The following RIMS1 variants were observed in gnomAD, a reference collection of about 807,000 sequenced individuals.
RIMS1 encodes regulating synaptic membrane exocytosis 1.
A neutral mutation model predicts 214.1 loss-of-function variants in RIMS1; 83 were observed. That is an observed-to-expected ratio of 0.39 (90% CI 0.32 to 0.47). The LOEUF is 0.47. RIMS1 is among the 20% of genes least tolerant of loss of function. RIMS1 has a pLI of 0.99. For missense variants in RIMS1, 2,050 were observed against 2,161.8 expected, an observed-to-expected ratio of 0.95 and a Z score of 1.03; for synonymous variants, 793 against 786.8, an observed-to-expected ratio of 1.01 and a Z score of -0.13.
In RIMS1 at chr6:72,043,071, C is replaced by G. The variant is rs1318607761; in HGVS notation, c.246-53878C>G. Among the ~76,000 whole-genome samples the G allele has an allele frequency of 2.0e-5, 3 of 151,692 alleles. No individual in the cohort carries two copies. The Admixed American group carries it at 2.0e-4, about 10-fold the overall frequency. ...TTTTTTAGCTCTTACACTACACCCA[C>G]TTGGTACTAATTATAATTTTTGCCA... On this transcript the variant is annotated intron_variant, in intron 2 of 33. Coordinates refer to ENST00000521978, the MANE Select transcript of RIMS1 (RefSeq NM_014989.7).
At chr6:72,155,486 T>A (rs1014581385) in intron 4 of RIMS1, among the ~76,000 whole-genome samples, 2 of 140,580 alleles carry the variant, frequency 1.4e-5, no homozygotes, top group African/African-American at 4.9e-5. Flanking sequence ...ATATACTGTA[T>A]TAGTCCATTT....
rs1029259879 is a variant in RIMS1, at chr6:72,085,038, A to C, written c.246-11911A>C. On this transcript the variant is annotated intron_variant, in intron 2 of 33. Transcript: ENST00000521978. ...GCCACCTCTGAAAACACATTTTCCT[A>C]ATAAGTCAAATCTCCTGCTGATTGT... Among the ~76,000 whole-genome samples, 13 of 152,190 alleles carry C rather than the reference A, an allele frequency of 8.5e-5. 1 individual carries two copies. The highest frequency in any genetic ancestry group is 2.9e-4 in the African/African-American group (12 of 41,462).
intron 29 of RIMS1, among the ~76,000 whole-genome samples, chr6:72,367,982 T>C (rs1688862845): frequency 1.3e-5 from 2 of 152,160 alleles, no homozygotes; most frequent in African/African-American, 4.8e-5. Context: ...AAGCAGGGCT[T>C]ATCCGTGGAA....
intron 9 of RIMS1, among the ~76,000 whole-genome samples, chr6:72,240,838 A>T (rs916015280): frequency 6.6e-6 from 1 of 151,902 alleles, no homozygotes; most frequent in African/African-American, 2.4e-5. Flanking sequence ...CAACATGGTG[A>T]AACCCCGTCT....
intron 27 of RIMS1, among the ~76,000 whole-genome samples, chr6:72,312,954 T>A (rs781455975): frequency 1.3e-5 from 2 of 152,126 alleles, no homozygotes; most frequent in African/African-American, 4.8e-5. Context: ...CATATTTTGG[T>A]ATATTTTTTC....
At chr6:72,199,878 T>C (rs2051625847) in intron 6 of RIMS1, among the ~76,000 whole-genome samples, 1 of 152,048 alleles carries the variant, frequency 6.6e-6, no homozygotes, top group Non-Finnish European at 1.5e-5. Context: ...ATTTTAAAAT[T>C]AGGATGTTTT....
chr6:72,252,624 C>A, intron 15 of RIMS1, 137 bp from the exon 16 acceptor site: 1 of 667,408 alleles, frequency 1.5e-6, no homozygotes. Context: ...TTAAAATTAG[C>A]TCAGTGTTTA....
intron 2 of RIMS1, among the ~76,000 whole-genome samples, chr6:72,033,951 T>A (rs1290536657): frequency 6.6e-6 from 1 of 152,216 alleles, no homozygotes; most frequent in Non-Finnish European, 1.5e-5. Context: ...ACTAGTGTTA[T>A]AATTTAGTCT....
At position 71,889,346 on chromosome 6, in the gene RIMS1, T is replaced by C. The variant is rs79053539; in HGVS notation, c.164+2159T>C. On this transcript the variant is annotated intron_variant, in intron 1 of 33. Coordinates refer to ENST00000521978, the MANE Select transcript of RIMS1 (RefSeq NM_014989.7). Reference sequence around the variant, plus strand: ...ATGGGCTTATATGGGCAAATAAAAATTAGGAGCACTGTCCAACTGCTCATG... The same window carrying C: ...ATGGGCTTATATGGGCAAATAAAAACTAGGAGCACTGTCCAACTGCTCATG... 6.1e-3 allele frequency among the ~76,000 whole-genome samples: 936 copies of C among 152,290 alleles called. 13 individuals carry two copies. Among genetic ancestry groups the C allele is most frequent in the African/African-American group, 0.021 (885 of 41,556 alleles).
intron 6 of RIMS1, among the ~76,000 whole-genome samples, chr6:72,220,915 A>G (rs2058182860): frequency 6.6e-6 from 1 of 152,084 alleles, no homozygotes; most frequent in Non-Finnish European, 1.5e-5. Flanking sequence ...GTTTGTTATT[A>G]TGAGATTTTA....
intron 4 of RIMS1, among the ~76,000 whole-genome samples, chr6:72,113,711 C>G (rs1343927418): frequency 6.6e-6 from 1 of 151,740 alleles, no homozygotes; most frequent in Non-Finnish European, 1.5e-5. Flanking sequence ...TTCTTTAATT[C>G]TTAATATTTG....
intron 29 of RIMS1, among the ~76,000 whole-genome samples, chr6:72,335,437 G>A (rs762613887): frequency 8.6e-5 from 13 of 152,006 alleles, no homozygotes; most frequent in Non-Finnish European, 1.3e-4. Context: ...GTATTCCATT[G>A]TGTATGTGTG....
chr6:72,008,628 G>A (rs1808857191), intron 2 of RIMS1, among the ~76,000 whole-genome samples: 2 of 152,048 alleles, frequency 1.3e-5, no homozygotes, highest in African/African-American at 4.8e-5. Context: ...GATGGAGGAA[G>A]ATCTACCAAG....
At position 72,161,599 on chromosome 6, in the gene RIMS1, A is replaced by G. The variant is rs1437883829; in HGVS notation, c.472-17976A>G. ...TCTGGTATGTTGTGTCTTTGTTCTCATTGGTTTCAAAGAACATCTTTATTT... is the reference window on the plus strand; with the variant it reads ...TCTGGTATGTTGTGTCTTTGTTCTCGTTGGTTTCAAAGAACATCTTTATTT... On this transcript the variant is annotated intron_variant, in intron 4 of 33. Transcript: ENST00000521978. 2.2e-5 allele frequency among the ~76,000 whole-genome samples: 3 copies of G among 139,088 alleles called. 1 individual carries two copies. Among genetic ancestry groups the G allele is most frequent in the Non-Finnish European group, 1.6e-5 (1 of 61,278 alleles). The allele number at this position is 139,088 out of a possible 152,430, so 91.2% of individuals were successfully genotyped here. A position where few individuals can be genotyped will look rare whatever the true frequency, so the allele number is the denominator to read the frequency against.
chr6:72,042,971 C>T (rs1821875802), intron 2 of RIMS1, among the ~76,000 whole-genome samples: 2 of 151,760 alleles, frequency 1.3e-5, no homozygotes, highest in African/African-American at 4.8e-5. Flanking sequence ...ATAATTTTAA[C>T]AATCAGAAAT....
At chr6:71,984,776 T>TGTA (rs1562029279) in intron 2 of RIMS1, among the ~76,000 whole-genome samples, 1,842 of 17,846 alleles carry the variant, frequency 0.1, 80 homozygotes, top group East Asian at 0.46. Flanking sequence ...TATGTACATA[T>TGTA]CTATCTATCT....
chr6:72,076,881 A>AG (rs1447262143), intron 2 of RIMS1, among the ~76,000 whole-genome samples: 1 of 152,158 alleles, frequency 6.6e-6, no homozygotes, highest in Non-Finnish European at 1.5e-5. Flanking sequence ...GGAAAAACAA[A>AG]GGGATTCTTT....
intron 5 of RIMS1, among the ~76,000 whole-genome samples, chr6:72,181,420 A>G (rs2048383490): frequency 6.6e-6 from 1 of 152,198 alleles, no homozygotes; most frequent in Admixed American, 6.5e-5. Context: ...AAAAATACTG[A>G]AGCTGCAGTT....
At chr6:72,014,910 C>A (rs1584946431) in intron 2 of RIMS1, among the ~76,000 whole-genome samples, 1 of 152,140 alleles carries the variant, frequency 6.6e-6, no homozygotes, top group South Asian at 2.1e-4. Context: ...CTGCCTATTT[C>A]TTTTCCGGCT....
Sources: gnomAD v4.1 joint callset for allele counts (sites outside exome capture counted in the v4.1 genomes callset) on GRCh38, gnomAD v4.1.1 for gene constraint, MANE v1.5 for transcripts, NCBI Gene and HGNC (gene_info 2026-07-23, HGNC 2026-07-21) for gene names.